Variants in RAB38 observed in about 807,000 individuals in gnomAD.
RAB38 encodes ras-related protein Rab-38.
A neutral mutation model predicts 18.4 loss-of-function variants in RAB38; 15 were observed. That is an observed-to-expected ratio of 0.82 (90% CI 0.55 to 1.26). The LOEUF (loss-of-function observed/expected upper bound fraction) is 1.26. Among genes scored for constraint, RAB38 ranks in the 50% most tolerant of loss-of-function variants. RAB38 has a pLI of 0.00. For missense variants in RAB38, 294 were observed against 267.4 expected, an observed-to-expected ratio of 1.10 and a Z score of -0.69; for synonymous variants, 101 against 104.4, an observed-to-expected ratio of 0.97 and a Z score of 0.20.
At chr11:87,835,192 TAAGTA>T in the RAB38 span, among the ~76,000 whole-genome samples, 2 of 152,162 alleles carry the variant, frequency 1.3e-5, no homozygotes, top group South Asian at 4.1e-4. Context: ...GGAACTACAC[TAAGTA>T]AATGAGCAGA....
the RAB38 span, among the ~76,000 whole-genome samples, chr11:88,082,712 T>C: frequency 6.6e-6 from 1 of 151,910 alleles, no homozygotes; most frequent in Non-Finnish European, 1.5e-5. Flanking sequence ...TCTCAATAAC[T>C]TCATTGAAGG....
At chr11:88,109,779 A>G (rs548807857), downstream of RAB38, among the ~76,000 whole-genome samples, 32 of 152,384 alleles carry the variant, frequency 2.1e-4, no homozygotes, top group African/African-American at 7.5e-4. Context: ...GCTCATCATC[A>G]CAGGTCATTA....
chr11:87,971,258 G>A, the RAB38 span, among the ~76,000 whole-genome samples: 5 of 152,116 alleles, frequency 3.3e-5, no homozygotes, highest in Admixed American at 2.0e-4. Context: ...TGGCAGAGAA[G>A]GGGGAGGCAA....
At chr11:87,948,642 T>G in the RAB38 span, among the ~76,000 whole-genome samples, 2 of 151,510 alleles carry the variant, frequency 1.3e-5, no homozygotes, top group Non-Finnish European at 2.9e-5. Context: ...TTTCTGCATC[T>G]ATTGAGATAA....
chr11:87,830,641 T>C, the RAB38 span, among the ~76,000 whole-genome samples: 1 of 152,174 alleles, frequency 6.6e-6, no homozygotes, highest in Non-Finnish European at 1.5e-5. Flanking sequence ...TATTATACAT[T>C]GTACACTATT....
At chr11:88,013,128 C>A in the RAB38 span, among the ~76,000 whole-genome samples, 13 of 152,124 alleles carry the variant, frequency 8.5e-5, no homozygotes, top group South Asian at 2.7e-3. Context: ...TCTCAAAAGG[C>A]CTGTAGGTAA....
chr11:87,839,276 T>C, the RAB38 span, among the ~76,000 whole-genome samples: 39,080 of 152,148 alleles, frequency 0.26, 6,381 homozygotes, highest in African/African-American at 0.46. Context: ...TCCAACTATG[T>C]AATACATTGC....
chr11:87,954,463 A>C, the RAB38 span, among the ~76,000 whole-genome samples: 1 of 152,188 alleles, frequency 6.6e-6, no homozygotes, highest in Non-Finnish European at 1.5e-5. Flanking sequence ...GTTGTCACAG[A>C]AAGATAGAAA....
At chr11:88,131,768 T>C (rs1196909838) in intron 2 of RAB38, among the ~76,000 whole-genome samples, 1 of 152,186 alleles carries the variant, frequency 6.6e-6, no homozygotes, top group Non-Finnish European at 1.5e-5. Context: ...TCATGCCCAT[T>C]GAGTGCAGGT....
the RAB38 span, among the ~76,000 whole-genome samples, chr11:87,976,685 A>ATAATATATT: frequency 2.4e-5 from 3 of 122,734 alleles, no homozygotes; most frequent in Non-Finnish European, 4.7e-5. Flanking sequence ...ATATATTTAT[A>ATAATATATT]TATTTACAAT....
chr11:88,164,826 T>A (rs976618074), intron 1 of RAB38, among the ~76,000 whole-genome samples: 6 of 152,086 alleles, frequency 3.9e-5, no homozygotes, highest in East Asian at 1.9e-4. Context: ...ATTTTTTTTT[T>A]AATTTAAGAT....
At chr11:87,929,904 T>G in the RAB38 span, among the ~76,000 whole-genome samples, 1 of 152,168 alleles carries the variant, frequency 6.6e-6, no homozygotes, top group Non-Finnish European at 1.5e-5. Flanking sequence ...TCATCATTTT[T>G]TATGGCTGCA....
At chr11:87,909,536 A>G in the RAB38 span, among the ~76,000 whole-genome samples, 1 of 152,074 alleles carries the variant, frequency 6.6e-6, no homozygotes, top group Non-Finnish European at 1.5e-5. Context: ...ATAATTTTAT[A>G]TGTTTCCACA....
At chr11:87,838,508 C>T in the RAB38 span, among the ~76,000 whole-genome samples, 7 of 152,232 alleles carry the variant, frequency 4.6e-5, no homozygotes, top group East Asian at 1.4e-3. Context: ...AGTCTTTCTC[C>T]AGTTGGTATT....
the RAB38 span, among the ~76,000 whole-genome samples, chr11:87,893,080 T>C: frequency 6.6e-6 from 1 of 151,564 alleles, no homozygotes; most frequent in African/African-American, 2.4e-5. Context: ...AATTGTTGTT[T>C]CCACGATGTT....
At chr11:87,893,336 TACAC>T in the RAB38 span, among the ~76,000 whole-genome samples, 24 of 141,802 alleles carry the variant, frequency 1.7e-4, no homozygotes, top group Non-Finnish European at 3.3e-4. Flanking sequence ...ATATATATTT[TACAC>T]ACACACACAT....
At chr11:87,849,362 A>T in the RAB38 span, among the ~76,000 whole-genome samples, 3 of 152,252 alleles carry the variant, frequency 2.0e-5, no homozygotes, top group Admixed American at 2.0e-4. Flanking sequence ...GCTATGAGTT[A>T]TGTGGTCGCC....
chr11:88,097,658 C>T, the RAB38 span, among the ~76,000 whole-genome samples: 3 of 151,936 alleles, frequency 2.0e-5, no homozygotes, highest in Admixed American at 2.0e-4. Context: ...ATTCGAGTTC[C>T]TTCATCCCTT....
chr11:88,105,092 C>G, the RAB38 span, among the ~76,000 whole-genome samples: 1 of 152,044 alleles, frequency 6.6e-6, no homozygotes, highest in Non-Finnish European at 1.5e-5. Context: ...TGGAAACACA[C>G]TCTGATTAAA....
Sources: gnomAD v4.1 joint callset for allele counts (sites outside exome capture counted in the v4.1 genomes callset) on GRCh38, gnomAD v4.1.1 for gene constraint, MANE v1.5 for transcripts, NCBI Gene and HGNC (gene_info 2026-07-23, HGNC 2026-07-21) for gene names.